Variants in HSPA12B observed in about 807,000 individuals in gnomAD.
HSPA12B encodes heat shock 70 kDa protein 12B.
In HSPA12B, 54 loss-of-function variants were observed where a neutral mutation model predicts 69.3. That is an observed-to-expected ratio of 0.78 (90% CI 0.63 to 0.98). The LOEUF is 0.98. Ranked by LOEUF, HSPA12B falls within the 50% of genes least tolerant of loss-of-function variation. The pLI is 0.00. For missense variants in HSPA12B, 929 were observed against 999.8 expected, an observed-to-expected ratio of 0.93 and a Z score of 0.96; for synonymous variants, 441 against 436.5, an observed-to-expected ratio of 1.01 and a Z score of -0.13.
chr20:3,749,153 G>C lies in HSPA12B; in HGVS notation c.851-79G>C. The C allele has an allele frequency of 7.7e-7, 1 of 1,290,728 alleles. No individual in the cohort carries two copies. 80.0% of individuals were successfully genotyped at this position (1,290,728 alleles called of 1,614,324 possible). ...TGCTCCCAGTGCCCATGGAGGTCCTGGGCAGGAGGATGGGAGTTGAACGCC... is the reference window on the plus strand; with the variant it reads ...TGCTCCCAGTGCCCATGGAGGTCCTCGGCAGGAGGATGGGAGTTGAACGCC... On this transcript the variant is annotated intron_variant, in intron 8 of 12. Transcript: ENST00000254963. The surrounding 1 kb of genome is among the most constrained non-coding windows in gnomAD (Gnocchi z 5.5).
At position 3,750,870 on chromosome 20, in the gene HSPA12B, C is replaced by T; in HGVS notation, c.1368C>T (p.Leu456=). 6.2e-7 allele frequency: 1 copy of T among 1,614,026 alleles called. No individual in the cohort carries two copies. Among genetic ancestry groups the T allele is most frequent in the Non-Finnish European group, 8.5e-7 (1 of 1,180,030 alleles). ...LRMSCEAMNE[L]FQPTVSGIIQ... ...TGTCTTGTGAAGCCATGAACGAGCT[C>T]TTTCAGCCCACCGTCAGCGGGATCA... The change falls in exon 12 of 13, where the codon CTC becomes CTT. Residue 456 remains leucine, a synonymous_variant. Transcript: ENST00000254963.
rs2088361198 is a variant in HSPA12B, at chr20:3,749,104, G to A, written c.851-128G>A. ...GATTGCCCTCTCCCAGTCAGGAGCA[G>A]GTTGGAGTTTCAGGAGCACTGGCTG... On this transcript the variant is annotated intron_variant, in intron 8 of 12. Coordinates refer to ENST00000254963, the MANE Select transcript of HSPA12B (RefSeq NM_052970.5). This position sits in a 1 kb window ranked among gnomAD's most constrained non-coding sequence, Gnocchi z 5.5. 1.4e-6 allele frequency: 1 copy of A among 724,940 alleles called. No homozygotes were observed. The highest frequency in any genetic ancestry group is 1.7e-5 in the South Asian group (1 of 57,310). The allele number at this position is 724,940 out of a possible 1,614,324, so 44.9% of individuals were successfully genotyped here. A position where few individuals can be genotyped will look rare whatever the true frequency, so the allele number is the denominator to read the frequency against.
rs1377303392 is a variant in HSPA12B at position 3,752,688 on chromosome 20, T to A, written c.*522T>A. ...GTGGACTCCAGAGGGACAGGTGTGG[T>A]GGCACAGTCCTGGTGTGGTGCTGAC... On this transcript the variant is annotated 3_prime_UTR_variant, in exon 13 of 13. Coordinates refer to ENST00000254963, the MANE Select transcript of HSPA12B (RefSeq NM_052970.5). The A allele has an allele frequency of 6.4e-6, 1 of 155,748 alleles. No homozygotes were observed. Among genetic ancestry groups the A allele is most frequent in the African/African-American group, 2.4e-5 (1 of 41,446 alleles). The allele number at this position is 155,748 out of a possible 1,614,324, so 9.6% of individuals were successfully genotyped here. A position where few individuals can be genotyped will look rare whatever the true frequency, so the allele number is the denominator to read the frequency against.
At position 3,752,137 on chromosome 20, in the gene HSPA12B, C is replaced by A; in HGVS notation, c.2032C>A (p.Arg678Ser). The A allele has an allele frequency of 6.8e-7, 1 of 1,469,020 alleles. No individual in the cohort carries two copies. 91.0% of individuals were successfully genotyped at this position (1,469,020 alleles called of 1,614,324 possible). A position where few individuals can be genotyped will look rare whatever the true frequency, so the allele number is the denominator to read the frequency against. ...AVDVSTNRSV[R>S]ASIDFLSN ...CGACGTCAGCACCAATCGCTCCGTG[C>A]GCGCGTCCATCGACTTTCTTTCCAA... Residue 678 changes from arginine to serine, a missense_variant, in exon 13 of 13, where the codon CGC (arginine) becomes AGC (serine). Arg to Ser is a moderately radical substitution (Grantham distance 110, BLOSUM62 -1). Transcript: ENST00000254963.
In HSPA12B at chr20:3,751,644, G is replaced by C; in HGVS notation, c.1539G>C (p.Pro513=). The C allele has an allele frequency of 6.6e-7, 1 of 1,524,756 alleles. No individual in the cohort carries two copies. The highest frequency in any genetic ancestry group is 8.8e-7 in the Non-Finnish European group (1 of 1,140,306). 94.5% of individuals were successfully genotyped at this position (1,524,756 alleles called of 1,614,324 possible). A position where few individuals can be genotyped will look rare whatever the true frequency, so the allele number is the denominator to read the frequency against. Residue 513 remains proline (P), a synonymous_variant, in exon 13 of 13, where the codon CCG becomes CCC. Transcript: ENST00000254963. ...CCCGCGGTCTGCGTGTCGTGGTCCC[G>C]CACGACGTGGGCCTCACCATCCTCA... ...LGARGLRVVV[P]HDVGLTILKG...
rs371187566 is a variant in HSPA12B, at chr20:3,741,574, A to G, written c.141+662A>G. 5.5e-4 allele frequency among the ~76,000 whole-genome samples: 84 copies of G among 152,316 alleles called. 1 individual carries two copies. Among genetic ancestry groups the G allele is most frequent in the Middle Eastern group, 3.4e-3 (1 of 294 alleles). On this transcript the variant is annotated intron_variant, in intron 3 of 12. Coordinates refer to ENST00000254963, the MANE Select transcript of HSPA12B (RefSeq NM_052970.5). ...CTTGAACCTGGGAAGCGGAGGTTGC[A>G]GTTAGCCAAGATCGCACCACTGCAT...
chr20:3,751,721 C>T lies in HSPA12B; in HGVS notation c.1616C>T (p.Ser539Leu), dbSNP rs1387029696. Residue 539 changes from serine to leucine, a missense_variant, in exon 13 of 13, where the codon TCG becomes TTG. By Grantham distance (145) the Ser-to-Leu change is moderately radical. Coordinates refer to ENST00000254963, the MANE Select transcript of HSPA12B (RefSeq NM_052970.5). ...QAPGVVRVRR[S>L]PLTYGVGVLN... The stretch of plus-strand genomic sequence containing the variant: ...CCGGGCGTGGTGCGGGTCCGCCGCT[C>T]GCCGCTCACCTATGGCGTGGGCGTG... 1 of 1,488,534 alleles carries T rather than the reference C, an allele frequency of 6.7e-7. No individual in the cohort carries two copies. Among genetic ancestry groups the T allele is most frequent in the South Asian group, 1.3e-5 (1 of 78,986 alleles). The allele number at this position is 1,488,534 out of a possible 1,614,324, so 92.2% of individuals were successfully genotyped here.
In HSPA12B at chr20:3,751,618, G is replaced by C; in HGVS notation, c.1513G>C (p.Ala505Pro). The change falls in exon 13 of 13, where the codon GCC becomes CCC. Residue 505 changes from alanine to proline, a missense_variant. Around this residue, in one of 3 missense-constraint regions of HSPA12B, gnomAD observed 448 missense variants for 448.1 expected, o/e 1.00. Transcript: ENST00000254963. ...GCACGCGGTGCAGGCGGCGCTGGGC[G>C]CCCGCGGTCTGCGTGTCGTGGTCCC... ...LQHAVQAALG[A>P]RGLRVVVPHD... 6.5e-7 allele frequency: 1 copy of C among 1,528,824 alleles called. No individual in the cohort carries two copies. Among genetic ancestry groups the C allele is most frequent in the Non-Finnish European group, 8.8e-7 (1 of 1,141,172 alleles). 94.7% of individuals were successfully genotyped at this position (1,528,824 alleles called of 1,614,324 possible). A position where few individuals can be genotyped will look rare whatever the true frequency, so the allele number is the denominator to read the frequency against.
Position 3,750,977 on chromosome 20 carries a change from T to C in HSPA12B, c.1405+70T>C. Reference sequence around the variant, plus strand: ...ACAGATGCAGAATAATTCCCCCCCATCAGTGCCTAGATACCTCCACACATC... The same window carrying C: ...ACAGATGCAGAATAATTCCCCCCCACCAGTGCCTAGATACCTCCACACATC... On this transcript the variant is annotated intron_variant, in intron 12 of 12. Coordinates refer to ENST00000254963, the MANE Select transcript of HSPA12B (RefSeq NM_052970.5). 3.1e-6 allele frequency: 4 copies of C among 1,286,742 alleles called. No homozygotes were observed. The South Asian group carries it at 4.7e-5, about 15-fold the overall frequency. 79.7% of individuals were successfully genotyped at this position (1,286,742 alleles called of 1,614,324 possible).
At chr20:3,738,023 T>C (rs989900984) in intron 1 of HSPA12B, among the ~76,000 whole-genome samples, 2 of 151,964 alleles carry the variant, frequency 1.3e-5, no homozygotes, top group Non-Finnish European at 2.9e-5. Flanking sequence ...AAAGACAAAT[T>C]GAGTCATGCC....
intron 2 of HSPA12B, among the ~76,000 whole-genome samples, chr20:3,739,201 G>A (rs551814401): frequency 2.4e-4 from 37 of 151,948 alleles, no homozygotes; most frequent in Non-Finnish European, 4.3e-4. Context: ...AGAGTTCTGC[G>A]TGTGCATGGA....
intron 2 of HSPA12B, 23 bp downstream of exon 2, chr20:3,738,740 C>T (rs755879624): frequency 6.2e-6 from 10 of 1,613,786 alleles, no homozygotes; most frequent in South Asian, 3.3e-5. Context: ...ACCATTCTGC[C>T]CTGACCCATC....
chr20:3,742,242 T>C, intron 3 of HSPA12B, 42 bp from the exon 4 acceptor site: 2 of 1,604,966 alleles, frequency 1.2e-6, no homozygotes, highest in African/African-American at 1.3e-5. Flanking sequence ...GATGGGGGTG[T>C]CCCTGCTGGC....
intron 1 of HSPA12B, 91 bp from the exon 2 acceptor site, chr20:3,738,567 C>A: frequency 7.6e-7 from 1 of 1,311,176 alleles, no homozygotes; most frequent in Non-Finnish European, 1.1e-6. Context: ...AGGACTCCAG[C>A]CAAAAGTAAA....
At chr20:3,751,246 G>A (rs1040908480) in intron 12 of HSPA12B, 1 of 985,186 alleles carries the variant, frequency 1.0e-6, no homozygotes, top group East Asian at 1.1e-4. Context: ...TGTTTAATAC[G>A]TGTAAAATGC....
chr20:3,733,161 T>A (rs1330823699), intron 1 of HSPA12B, among the ~76,000 whole-genome samples: 1 of 151,294 alleles, frequency 6.6e-6, no homozygotes, highest in African/African-American at 2.4e-5. Context: ...GGGAGTTGAG[T>A]GTATGTGTGT....
chr20:3,734,119 G>A (rs2088071744), intron 1 of HSPA12B, among the ~76,000 whole-genome samples: 1 of 152,222 alleles, frequency 6.6e-6, no homozygotes, highest in African/African-American at 2.4e-5. Context: ...AGTGAGCCGT[G>A]ATCGTGCCAC....
At chr20:3,741,994 G>A (rs900727678) in intron 3 of HSPA12B, among the ~76,000 whole-genome samples, 1 of 151,920 alleles carries the variant, frequency 6.6e-6, no homozygotes, top group East Asian at 1.9e-4. Flanking sequence ...GTGGGGGTGG[G>A]GCTAAGGCAG....
chr20:3,748,380 G>A lies in HSPA12B; in HGVS notation c.839G>A (p.Ser280Asn). The change falls in exon 8 of 13, where the codon AGC (serine) becomes AAC (asparagine). Residue 280 changes from serine to asparagine, a missense_variant. By Grantham distance (46) the Ser-to-Asn change is conservative. Transcript: ENST00000254963. ...RLGERRSIDS[S>N]FRQAREQLRR... ...GGTGAGCGCCGCTCCATCGACTCCAGCTTCCGTCAGGGTGAGCTGCCCCCG... is the reference window on the plus strand; with the variant it reads ...GGTGAGCGCCGCTCCATCGACTCCAACTTCCGTCAGGGTGAGCTGCCCCCG... 1 of 1,594,994 alleles carries A rather than the reference G, an allele frequency of 6.3e-7. No individual in the cohort carries two copies. Among genetic ancestry groups the A allele is most frequent in the Admixed American group, 1.7e-5 (1 of 57,870 alleles).
Sources: allele counts gnomAD v4.1 joint callset (sites outside exome capture counted in the v4.1 genomes callset), GRCh38; gene constraint gnomAD v4.1.1; regional missense constraint gnomAD v4.1.1; non-coding constraint Gnocchi (gnomAD v3.1); transcripts MANE v1.5; gene names NCBI Gene and HGNC (gene_info 2026-07-23, HGNC 2026-07-21).